DDX52: variants seen among roughly 807,000 people sequenced by gnomAD.
DDX52 encodes the protein probable ATP-dependent RNA helicase DDX52.
Under a neutral mutation model 76.1 loss-of-function variants are expected in DDX52, and 59 were observed. The ratio of observed to expected loss-of-function variants is 0.78; its 90% CI spans 0.63 to 0.96. The LOEUF (loss-of-function observed/expected upper bound fraction) is 0.96, where lower values mean the gene tolerates loss of function less well. DDX52 is among the 40% of genes least tolerant of loss of function. DDX52 has a pLI of 0.00. For missense variants in DDX52, 707 were observed against 703.9 expected, an observed-to-expected ratio of 1.00 and a Z score of -0.05; for synonymous variants, 231 against 244.1, an observed-to-expected ratio of 0.95 and a Z score of 0.50.
At chr17:37,629,228 TACACACAC>T (rs10661586) in intron 5 of DDX52, among the ~76,000 whole-genome samples, 16,832 of 133,858 alleles carry the variant, frequency 0.13, 1,110 homozygotes, top group Middle Eastern at 0.23. Flanking sequence ...CAAGAAAAAA[TACACACAC>T]ACACACACAC....
chr17:37,629,648 G>C (rs1017484160), intron 5 of DDX52, among the ~76,000 whole-genome samples: 2 of 152,126 alleles, frequency 1.3e-5, no homozygotes, highest in African/African-American at 4.8e-5. Context: ...GCCAGCCTGG[G>C]TAACAGAGTA....
At chr17:37,621,053 A>T in intron 11 of DDX52, 74 bp downstream of exon 11, 2 of 1,555,064 alleles carry the variant, frequency 1.3e-6, no homozygotes, top group South Asian at 1.2e-5. Context: ...AAGTGAGCAT[A>T]TGTGCAGGGA....
Position 37,619,857 on chromosome 17 carries a change from A to G in DDX52, c.1578-18T>C, listed in dbSNP as rs766464208. 6.2e-7 allele frequency: 1 copy of G among 1,611,312 alleles called. No homozygotes were observed. Among genetic ancestry groups the G allele is most frequent in the East Asian group, 2.2e-5 (1 of 44,862 alleles). ...TAGCAACGCTGAAAAAGAAACCCAT[A>G]AACATAAACTTGTATCTTTGCTAAA... On this transcript the variant is annotated intron_variant, in intron 12 of 14. Transcript: ENST00000617633.
intron 4 of DDX52, chr17:37,631,092 G>T (rs900544749): frequency 6.6e-6 from 1 of 152,186 alleles, no homozygotes; most frequent in African/African-American, 2.4e-5. Flanking sequence ...AAAAGGACTA[G>T]TATAGAGATG....
chr17:37,620,648 T>C (rs2030033881), intron 12 of DDX52: 1 of 426,564 alleles, frequency 2.3e-6, no homozygotes, highest in Non-Finnish European at 4.1e-6. Flanking sequence ...AAACTTACAA[T>C]GAACATTCCA....
intron 6 of DDX52, among the ~76,000 whole-genome samples, chr17:37,627,599 C>T (rs2030451656): frequency 6.7e-6 from 1 of 149,832 alleles, no homozygotes. Context: ...CTTTTTTTCC[C>T]CCAGGAAAAT....
intron 1 of DDX52, chr17:37,642,928 G>A (rs1042207606): frequency 7.3e-5 from 12 of 164,594 alleles, no homozygotes; most frequent in Non-Finnish European, 1.3e-4. Context: ...ATCACGCCCA[G>A]TACAACTATA....
chr17:37,618,031 C>CT (rs1244381899), intron 14 of DDX52, among the ~76,000 whole-genome samples: 1 of 152,276 alleles, frequency 6.6e-6, no homozygotes, highest in East Asian at 1.9e-4. Context: ...AGTAGAATGG[C>CT]TTGAACCCGG....
At chr17:37,614,474 C>T in intron 14 of DDX52, 121 bp from the exon 15 acceptor site, 1 of 921,110 alleles carries the variant, frequency 1.1e-6, no homozygotes, top group Non-Finnish European at 1.6e-6. Context: ...TAATGAGGCA[C>T]TAGGAACACA....
At position 37,612,466 on chromosome 17, in the gene DDX52, C is replaced by T. The variant is rs1324381771; in HGVS notation, c.*1830G>A. 1 of 152,140 alleles carries T rather than the reference C, an allele frequency of 6.6e-6. No individual in the cohort carries two copies. Among genetic ancestry groups the T allele is most frequent in the Non-Finnish European group, 1.5e-5 (1 of 68,034 alleles). The allele number at this position is 152,140 out of a possible 1,614,324, so 9.4% of individuals were successfully genotyped here. A position where few individuals can be genotyped will look rare whatever the true frequency, so the allele number is the denominator to read the frequency against. ...TTCCAACTGTCTATAGCATGCAGGA[C>T]AGTAACATGCTATACGGGTTTGTAG... On this transcript the variant is annotated 3_prime_UTR_variant, in exon 15 of 15. Coordinates refer to ENST00000617633, the MANE Select transcript of DDX52 (RefSeq NM_007010.5).
At position 37,610,706 on chromosome 17, in the gene DDX52, ACT is replaced by A. The variant is rs1230108750; in HGVS notation, c.*3588_*3589del. On this transcript the variant is annotated 3_prime_UTR_variant, in exon 15 of 15. Coordinates refer to ENST00000617633, the MANE Select transcript of DDX52 (RefSeq NM_007010.5). ...GAGAAAATCAAGGTTAGAAACAGTT[ACT>A]GTCATTTGTCCAGATCATACAGCTA... is the stretch of plus-strand genomic sequence containing the variant. 6.6e-6 allele frequency: 1 copy of A among 152,216 alleles called. No individual in the cohort carries two copies. The highest frequency in any genetic ancestry group is 2.4e-5 in the African/African-American group (1 of 41,458). 9.4% of individuals were successfully genotyped at this position (152,216 alleles called of 1,614,324 possible).
At chr17:37,632,783 C>A (rs1247224759) in intron 3 of DDX52, among the ~76,000 whole-genome samples, 1 of 152,160 alleles carries the variant, frequency 6.6e-6, no homozygotes, top group Non-Finnish European at 1.5e-5. Context: ...CTGAAGTGAG[C>A]TGAATACACC....
intron 12 of DDX52, 102 bp from the exon 13 acceptor site, chr17:37,619,941 A>C: frequency 9.2e-7 from 1 of 1,086,878 alleles, no homozygotes; most frequent in Non-Finnish European, 1.4e-6. Flanking sequence ...AACTACACAA[A>C]GTAATCCACA....
chr17:37,620,127 A>G, intron 12 of DDX52: 2 of 329,598 alleles, frequency 6.1e-6, no homozygotes, highest in South Asian at 1.4e-4. Context: ...CACTGACTGA[A>G]GCCAGAGTCA....
intron 9 of DDX52, among the ~76,000 whole-genome samples, chr17:37,623,614 C>T (rs574577805): frequency 6.6e-6 from 1 of 151,948 alleles, no homozygotes; most frequent in African/African-American, 2.4e-5. Context: ...GCTCCCCCAG[C>T]CGTCAATGCT....
chr17:37,625,662 A>C (rs1308885448), intron 8 of DDX52, among the ~76,000 whole-genome samples: 3 of 152,308 alleles, frequency 2.0e-5, no homozygotes, highest in African/African-American at 7.2e-5. Flanking sequence ...ATGGAAAAAA[A>C]CACCTAAAAG....
chr17:37,626,391 T>C (rs1204704682), intron 7 of DDX52, among the ~76,000 whole-genome samples: 1 of 152,114 alleles, frequency 6.6e-6, no homozygotes, highest in South Asian at 2.1e-4. Context: ...TCTGCCACCA[T>C]GTAAGATATG....
rs142835373 is a variant in DDX52 at position 37,632,105 on chromosome 17, A to C, written c.603+8T>G. 2.1e-3 allele frequency: 3,390 copies of C among 1,612,968 alleles called. 67 individuals carry two copies. The African/African-American group carries it at 0.04, about 19-fold the overall frequency. On this transcript the variant is annotated splice_region_variant and intron_variant, in intron 4 of 14. Coordinates refer to ENST00000617633, the MANE Select transcript of DDX52 (RefSeq NM_007010.5). Reference sequence around the variant, plus strand: ...AATGTTACAGGCATTCTAGATCTTCATACTCACATGCAGCATAACTGGGAT... The same window carrying C: ...AATGTTACAGGCATTCTAGATCTTCCTACTCACATGCAGCATAACTGGGAT...
intron 2 of DDX52, among the ~76,000 whole-genome samples, chr17:37,641,667 G>A (rs894390465): frequency 5.3e-5 from 8 of 152,004 alleles, no homozygotes; most frequent in African/African-American, 1.9e-4. Context: ...AACCCAGGAG[G>A]CAGAGGTTGC....
Sources: gnomAD v4.1 joint callset for allele counts (sites outside exome capture counted in the v4.1 genomes callset) on GRCh38, gnomAD v4.1.1 for gene constraint, MANE v1.5 for transcripts, NCBI Gene and HGNC (gene_info 2026-07-23, HGNC 2026-07-21) for gene names.